ATP9B: variants seen among roughly 807,000 people sequenced by gnomAD.
ATP9B encodes the protein ATPase phospholipid transporting 9B, also known as probable phospholipid-transporting ATPase IIB.
Under a neutral mutation model 146.1 loss-of-function variants are expected in ATP9B, and 110 were observed. The ratio of observed to expected loss-of-function variants is 0.75; its 90% CI spans 0.65 to 0.88. The LOEUF is 0.88. ATP9B is among the 40% of genes least tolerant of loss of function. ATP9B has a pLI of 0.00. For missense variants in ATP9B, 1,499 were observed against 1,496.4 expected, an observed-to-expected ratio of 1.00 and a Z score of -0.03; for synonymous variants, 604 against 569.7, an observed-to-expected ratio of 1.06 and a Z score of -0.86.
At chr18:79,228,404 T>G (rs924792812) in intron 11 of ATP9B, among the ~76,000 whole-genome samples, 26 of 152,222 alleles carry the variant, frequency 1.7e-4, no homozygotes, top group African/African-American at 4.1e-4. Flanking sequence ...CTCCTCTTAC[T>G]GTGAAGCCAA....
chr18:79,199,427 T>C (rs1393236876), intron 9 of ATP9B, among the ~76,000 whole-genome samples: 1 of 152,316 alleles, frequency 6.6e-6, no homozygotes, highest in Admixed American at 6.5e-5. Flanking sequence ...TAGTCTTTTT[T>C]AGTTTTTAAA....
intron 8 of ATP9B, among the ~76,000 whole-genome samples, chr18:79,179,639 T>C (rs2095226196): frequency 6.6e-6 from 1 of 152,194 alleles, no homozygotes; most frequent in African/African-American, 2.4e-5. Flanking sequence ...TTTAATTCTC[T>C]TATGGTCATA....
intron 9 of ATP9B, among the ~76,000 whole-genome samples, chr18:79,206,706 TTG>T (rs1158025145): frequency 6.6e-6 from 1 of 152,166 alleles, no homozygotes; most frequent in Non-Finnish European, 1.5e-5. Flanking sequence ...ATTATTTCGT[TTG>T]TGTATTAATG....
chr18:79,148,693 A>G (rs1251862949), intron 6 of ATP9B, among the ~76,000 whole-genome samples: 1 of 152,224 alleles, frequency 6.6e-6, no homozygotes, highest in Non-Finnish European at 1.5e-5. Flanking sequence ...CTGTTACTCA[A>G]TGGCACTTCT....
intron 8 of ATP9B, among the ~76,000 whole-genome samples, chr18:79,183,335 A>G (rs923076287): frequency 2.0e-5 from 3 of 152,212 alleles, no homozygotes; most frequent in African/African-American, 4.8e-5. Flanking sequence ...TCAGAAGACT[A>G]TGCAACTTAT....
chr18:79,230,841 A>C (rs1009666275), intron 11 of ATP9B, among the ~76,000 whole-genome samples: 1 of 152,226 alleles, frequency 6.6e-6, no homozygotes, highest in African/African-American at 2.4e-5. Context: ...AACAGAATAG[A>C]GAACCCAGAA....
chr18:79,203,464 T>C (rs1363281653), intron 9 of ATP9B, among the ~76,000 whole-genome samples: 1 of 152,238 alleles, frequency 6.6e-6, no homozygotes, highest in Non-Finnish European at 1.5e-5. Context: ...GGTGACTCAT[T>C]ATAGCATCAT....
intron 25 of ATP9B, among the ~76,000 whole-genome samples, chr18:79,357,522 C>T (rs57712193): frequency 3.1e-3 from 16 of 5,162 alleles, no homozygotes; most frequent in Admixed American, 3.9e-3. Flanking sequence ...TGAGGGGTGC[C>T]CTGGGTCTGG....
At position 79,329,212 on chromosome 18, in the gene ATP9B, G is replaced by A. The variant is rs2096777142; in HGVS notation, c.1845G>A (p.Leu615=). 6.2e-6 allele frequency: 10 copies of A among 1,612,820 alleles called. No homozygotes were observed. The Middle Eastern group carries it at 7.5e-4, about 121-fold the overall frequency. The part of the protein sequence containing the change: ...LVSRDLTSMQ[L]KTPSGQVLSF... ...GCAGGGACCTCACCTCCATGCAGCT[G>A]AAGACCCCCAGTGGCCAGGTCCTCA... Residue 615 remains leucine (L), a synonymous_variant, in exon 16 of 30, where the codon CTG becomes CTA. Coordinates refer to ENST00000426216, the MANE Select transcript of ATP9B (RefSeq NM_198531.5).
chr18:79,329,931 G>GT, intron 16 of ATP9B, 81 bp from the exon 17 acceptor site: 1 of 1,287,062 alleles, frequency 7.8e-7, no homozygotes, highest in African/African-American at 1.5e-5. Flanking sequence ...TTTTTCCATT[G>GT]TATGTTTTAT....
chr18:79,123,162 A>G (rs927530563), intron 4 of ATP9B, among the ~76,000 whole-genome samples: 1 of 152,098 alleles, frequency 6.6e-6, no homozygotes, highest in African/African-American at 2.4e-5. Context: ...GATCTTGTTT[A>G]TAGGAAAACC....
intron 8 of ATP9B, among the ~76,000 whole-genome samples, chr18:79,192,595 A>T (rs1263461689): frequency 6.6e-6 from 1 of 152,150 alleles, no homozygotes; most frequent in Non-Finnish European, 1.5e-5. Flanking sequence ...TCTGCTCTAA[A>T]ATTAATGGTA....
chr18:79,323,713 G>T (rs1028176858), intron 15 of ATP9B, among the ~76,000 whole-genome samples: 1 of 152,184 alleles, frequency 6.6e-6, no homozygotes, highest in African/African-American at 2.4e-5. Context: ...ATCCAGTGGG[G>T]GACACAGGCT....
intron 26 of ATP9B, among the ~76,000 whole-genome samples, chr18:79,368,293 G>C (rs183277825): frequency 6.6e-6 from 1 of 152,212 alleles, no homozygotes; most frequent in Non-Finnish European, 1.5e-5. Flanking sequence ...CCAGCTGCCC[G>C]GGCTGGAGAA....
intron 2 of ATP9B, among the ~76,000 whole-genome samples, chr18:79,110,005 T>C (rs958166219): frequency 6.6e-6 from 1 of 152,220 alleles, no homozygotes; most frequent in African/African-American, 2.4e-5. Flanking sequence ...CATTGAAAAG[T>C]GTATTGGGAA....
intron 26 of ATP9B, among the ~76,000 whole-genome samples, chr18:79,371,700 C>T (rs1156877228): frequency 6.6e-6 from 1 of 152,224 alleles, no homozygotes; most frequent in East Asian, 1.9e-4. Context: ...CAGGTTCAGA[C>T]AGGCCCTGAG....
At chr18:79,267,236 A>G (rs999551587) in intron 12 of ATP9B, among the ~76,000 whole-genome samples, 4 of 152,194 alleles carry the variant, frequency 2.6e-5, no homozygotes, top group African/African-American at 9.6e-5. Context: ...TATCCCTGAC[A>G]TACATAGGAT....
intron 4 of ATP9B, among the ~76,000 whole-genome samples, chr18:79,116,922 TAA>T (rs781553384): frequency 0.048 from 2,847 of 59,514 alleles, 57 homozygotes; most frequent in African/African-American, 0.13. Flanking sequence ...TAGAGTATAA[TAA>T]AAAAAAAAAA....
intron 6 of ATP9B, among the ~76,000 whole-genome samples, chr18:79,151,557 G>A (rs1261098000): frequency 6.6e-6 from 1 of 152,174 alleles, no homozygotes; most frequent in Non-Finnish European, 1.5e-5. Flanking sequence ...GTGTGCCTAG[G>A]AGTGGAGCTG....
Sources: allele counts gnomAD v4.1 joint callset (sites outside exome capture counted in the v4.1 genomes callset), GRCh38; gene constraint gnomAD v4.1.1; transcripts MANE v1.5; gene names NCBI Gene and HGNC (gene_info 2026-07-23, HGNC 2026-07-21).